ADK: variants seen among roughly 807,000 people sequenced by gnomAD.
ADK encodes the protein adenosine kinase.
A neutral mutation model predicts 44.7 loss-of-function variants in ADK; 24 were observed. That is an observed-to-expected ratio of 0.54 (90% CI 0.39 to 0.76). ADK has a LOEUF of 0.76. Ranked by LOEUF, ADK falls within the 30% of genes least tolerant of loss-of-function variation. The pLI is 0.00. For synonymous variants in ADK, 128 were observed against 142.6 expected (o/e 0.90, Z 0.73); for missense variants, 321 against 425.1 (o/e 0.76, Z 2.15).
At chr10:74,495,577 G>A (rs939168422) in intron 6 of ADK, among the ~76,000 whole-genome samples, 3 of 152,176 alleles carry the variant, frequency 2.0e-5, no homozygotes, top group African/African-American at 7.2e-5. Flanking sequence ...CAGGAAAAGG[G>A]TCAGAAGGGC....
chr10:74,318,905 G>A (rs1314994281), intron 4 of ADK, among the ~76,000 whole-genome samples: 1 of 152,146 alleles, frequency 6.6e-6, no homozygotes, highest in African/African-American at 2.4e-5. Context: ...TTTGTTGAGA[G>A]GATATTTAGC....
At chr10:74,440,496 C>A (rs201560085) in intron 6 of ADK, among the ~76,000 whole-genome samples, 23 of 152,124 alleles carry the variant, frequency 1.5e-4, no homozygotes, top group East Asian at 9.6e-4. Context: ...GCTTATTTTA[C>A]AATTAATAAA....
chr10:74,370,592 C>T (rs1842627840), intron 4 of ADK, among the ~76,000 whole-genome samples: 1 of 152,044 alleles, frequency 6.6e-6, no homozygotes, highest in African/African-American at 2.4e-5. Flanking sequence ...ATCTTTTTTA[C>T]CTTTTTGCCA....
intron 9 of ADK, among the ~76,000 whole-genome samples, chr10:74,614,524 TAAG>T (rs1852674672): frequency 6.6e-6 from 1 of 152,096 alleles, no homozygotes; most frequent in South Asian, 2.1e-4. Flanking sequence ...TTATAGCACT[TAAG>T]AAGCTTCTCC....
chr10:74,311,816 G>T lies in ADK; in HGVS notation c.195-2851G>T, dbSNP rs528868792. Among the ~76,000 whole-genome samples the T allele has an allele frequency of 4.6e-5, 7 of 152,260 alleles. No homozygotes were observed. The East Asian group carries it at 1.4e-3, about 29-fold the overall frequency. ...TCATGGATTAGATGATTTAATATTGGAAATATATCACTTTTCCCAGCATAG... is the reference window on the plus strand; with the variant it reads ...TCATGGATTAGATGATTTAATATTGTAAATATATCACTTTTCCCAGCATAG... On this transcript the variant is annotated intron_variant, in intron 3 of 10. Coordinates refer to ENST00000539909, the MANE Select transcript of ADK (RefSeq NM_006721.4).
chr10:74,216,894 A>G (rs1844061683), intron 2 of ADK, among the ~76,000 whole-genome samples: 2 of 152,216 alleles, frequency 1.3e-5, no homozygotes, highest in Non-Finnish European at 2.9e-5. Flanking sequence ...AGGAGCCCAG[A>G]TGGCCGAATA....
chr10:74,238,720 C>T (rs1243353633), intron 3 of ADK, among the ~76,000 whole-genome samples: 1 of 151,976 alleles, frequency 6.6e-6, no homozygotes, highest in Non-Finnish European at 1.5e-5. Context: ...TTTTCAGGCT[C>T]TTTGGTTTTA....
chr10:74,294,901 G>A (rs1839755882), intron 3 of ADK, among the ~76,000 whole-genome samples: 1 of 151,938 alleles, frequency 6.6e-6, no homozygotes, highest in Admixed American at 6.6e-5. Flanking sequence ...CGTTGCTCAG[G>A]CTGGAGTGCA....
At chr10:74,570,094 CG>C (rs1183265246) in intron 7 of ADK, among the ~76,000 whole-genome samples, 1 of 151,676 alleles carries the variant, frequency 6.6e-6, no homozygotes, top group East Asian at 1.9e-4. Flanking sequence ...AGATATGCGG[CG>C]TTATTTCTGA....
At chr10:74,458,301 T>G (rs937546389) in intron 6 of ADK, among the ~76,000 whole-genome samples, 53 of 144,224 alleles carry the variant, frequency 3.7e-4, no homozygotes, top group Non-Finnish European at 6.7e-4. Context: ...CAGGTTTTGT[T>G]TTTTTTTTTT....
intron 7 of ADK, among the ~76,000 whole-genome samples, chr10:74,573,548 G>A (rs1322178927): frequency 2.6e-5 from 4 of 152,196 alleles, no homozygotes; most frequent in Non-Finnish European, 5.9e-5. Flanking sequence ...GTCAGATAGG[G>A]ACATTTAAGT....
chr10:74,310,213 TC>T (rs1840388321), intron 3 of ADK, among the ~76,000 whole-genome samples: 1 of 152,080 alleles, frequency 6.6e-6, no homozygotes, highest in South Asian at 2.1e-4. Flanking sequence ...TTACTAAAAT[TC>T]CCATACTTTA....
intron 6 of ADK, among the ~76,000 whole-genome samples, chr10:74,518,358 C>A (rs1292532642): frequency 6.6e-6 from 1 of 152,156 alleles, no homozygotes; most frequent in Non-Finnish European, 1.5e-5. Context: ...ACAACACATC[C>A]TTCTTTATTT....
At chr10:74,414,187 G>C (rs532304608) in intron 6 of ADK, among the ~76,000 whole-genome samples, 5 of 152,202 alleles carry the variant, frequency 3.3e-5, no homozygotes, top group South Asian at 2.1e-4. Flanking sequence ...CTCAAGGCAG[G>C]CTTGCCATAA....
At chr10:74,319,139 G>C (rs1840727966) in intron 4 of ADK, among the ~76,000 whole-genome samples, 1 of 152,020 alleles carries the variant, frequency 6.6e-6, no homozygotes, top group Admixed American at 6.6e-5. Flanking sequence ...ATTAAATATT[G>C]GTAAAATGTT....
intron 9 of ADK, chr10:74,655,467 C>G: frequency 2.2e-6 from 1 of 464,422 alleles, no homozygotes. Flanking sequence ...AGGAATGACA[C>G]TCGCAACATG....
chr10:74,227,062 A>G (rs1400300223), intron 3 of ADK, among the ~76,000 whole-genome samples: 1 of 152,232 alleles, frequency 6.6e-6, no homozygotes, highest in African/African-American at 2.4e-5. Context: ...CAACTCAAAT[A>G]GCCAAAATCT....
chr10:74,400,056 C>G (rs998011447), intron 6 of ADK, among the ~76,000 whole-genome samples: 2 of 152,048 alleles, frequency 1.3e-5, no homozygotes, highest in Non-Finnish European at 2.9e-5. Context: ...TATATTGTAT[C>G]TAGCCATATT....
chr10:74,347,330 C>G (rs1465245239), intron 4 of ADK, among the ~76,000 whole-genome samples: 2 of 151,864 alleles, frequency 1.3e-5, no homozygotes, highest in Non-Finnish European at 1.5e-5. Context: ...GTGCAAGGAG[C>G]TGGGGGACCT....
Sources: allele counts gnomAD v4.1 joint callset (sites outside exome capture counted in the v4.1 genomes callset), GRCh38; gene constraint gnomAD v4.1.1; transcripts MANE v1.5; gene names NCBI Gene and HGNC (gene_info 2026-07-23, HGNC 2026-07-21).